GXYLT1: variants seen among roughly 807,000 people sequenced by gnomAD.
The protein encoded by GXYLT1 is glucoside xylosyltransferase 1, also known as glycosyltransferase 8 domain containing 3.
GXYLT1 carries 29 observed loss-of-function variants against 54.0 expected under a neutral mutation model. The ratio of observed to expected loss-of-function variants is 0.54; its 90% CI spans 0.40 to 0.73. The LOEUF (loss-of-function observed/expected upper bound fraction) is 0.73, where lower values mean the gene tolerates loss of function less well. Ranked by LOEUF, GXYLT1 falls within the 30% of genes least tolerant of loss-of-function variation. The pLI is 0.00. For synonymous variants in GXYLT1, 176 were observed against 204.1 expected, an observed-to-expected ratio of 0.86 and a Z score of 1.17; for missense variants, 490 against 553.4, an observed-to-expected ratio of 0.89 and a Z score of 1.15.
intron 3 of GXYLT1, among the ~76,000 whole-genome samples, chr12:42,117,549 T>C (rs1001921455): frequency 1.3e-5 from 2 of 152,070 alleles, no homozygotes; most frequent in African/African-American, 4.8e-5. Context: ...ACATCAAATA[T>C]ATTTTTTACA....
intron 3 of GXYLT1, among the ~76,000 whole-genome samples, chr12:42,115,181 A>G (rs2065485980): frequency 1.3e-5 from 2 of 152,208 alleles, no homozygotes; most frequent in Admixed American, 6.5e-5. Flanking sequence ...ATCATACTGA[A>G]TGGGCAAAAA....
intron 3 of GXYLT1, among the ~76,000 whole-genome samples, chr12:42,115,192 C>A (rs1360614154): frequency 1.3e-5 from 2 of 152,138 alleles, no homozygotes; most frequent in African/African-American, 4.8e-5. Context: ...TGGGCAAAAA[C>A]TGGAAGCATT....
At chr12:42,124,878 C>T (rs1244229301) in intron 2 of GXYLT1, among the ~76,000 whole-genome samples, 3 of 152,274 alleles carry the variant, frequency 2.0e-5, no homozygotes, top group South Asian at 2.1e-4. Flanking sequence ...AGGCTCACAA[C>T]GCAAACATCT....
Position 42,105,931 on chromosome 12 carries a change from G to C in GXYLT1, c.751C>G (p.Pro251Ala), listed in dbSNP as rs771170240. The C allele has an allele frequency of 1.2e-6, 2 of 1,613,920 alleles. No individual in the cohort carries two copies. The highest frequency in any genetic ancestry group is 2.2e-5 in the East Asian group (1 of 44,856). Residue 251 changes from proline to alanine, a missense_variant, in exon 5 of 8, where the codon CCT (proline) becomes GCT (alanine). Physicochemically the swap from Pro to Ala is conservative, Grantham distance 27. Around this residue, in one of 2 missense-constraint regions of GXYLT1, gnomAD observed 342 missense variants for 342.6 expected, o/e 1.00. Coordinates refer to ENST00000398675, the MANE Select transcript of GXYLT1 (RefSeq NM_173601.2). ...AAGCGATTATACCATCCTATTCGAG[G>C]TTCCTCATGTTCTGGTGCCATTGCA... ...IAAMAPEHEE[P>A]RIGWYNRFAR...
chr12:42,107,766 T>C (rs1298133940), intron 4 of GXYLT1, among the ~76,000 whole-genome samples: 2 of 152,152 alleles, frequency 1.3e-5, no homozygotes, highest in Admixed American at 6.5e-5. Flanking sequence ...GTGGTGGAGT[T>C]AGAATTGTTT....
Position 42,087,733 on chromosome 12 carries a change from A to G in GXYLT1, c.*53T>C. The G allele has an allele frequency of 7.6e-7, 1 of 1,314,362 alleles. No individual in the cohort carries two copies. The highest frequency in any genetic ancestry group is 1.3e-5 in the South Asian group (1 of 75,328). The allele number at this position is 1,314,362 out of a possible 1,614,324, so 81.4% of individuals were successfully genotyped here. A position where few individuals can be genotyped will look rare whatever the true frequency, so the allele number is the denominator to read the frequency against. ...ACTTCATCCAAGACGATTCCTTCACACTTATCTTCTGATTCTTTGTTTTCA... is the reference window on the plus strand; with the variant it reads ...ACTTCATCCAAGACGATTCCTTCACGCTTATCTTCTGATTCTTTGTTTTCA... On this transcript the variant is annotated 3_prime_UTR_variant, in exon 8 of 8. Coordinates refer to ENST00000398675, the MANE Select transcript of GXYLT1 (RefSeq NM_173601.2).
chr12:42,137,114 C>G (rs981859014), intron 1 of GXYLT1, among the ~76,000 whole-genome samples: 3 of 152,080 alleles, frequency 2.0e-5, no homozygotes, highest in Non-Finnish European at 4.4e-5. Flanking sequence ...TTCAAAATGT[C>G]CAAGATAGGA....
intron 6 of GXYLT1, 129 bp from the exon 7 acceptor site, chr12:42,097,743 G>A (rs1256095884): frequency 9.5e-7 from 1 of 1,053,888 alleles, no homozygotes; most frequent in East Asian, 2.5e-5. Flanking sequence ...CTGGCATTTA[G>A]ATCTCTTCCA....
At chr12:42,096,095 G>C (rs1020981216) in intron 7 of GXYLT1, among the ~76,000 whole-genome samples, 1 of 152,184 alleles carries the variant, frequency 6.6e-6, no homozygotes, top group Non-Finnish European at 1.5e-5. Context: ...ATATAATATA[G>C]AGTAGAAGAA....
chr12:42,117,403 C>G (rs2065503263), intron 3 of GXYLT1, among the ~76,000 whole-genome samples: 1 of 151,554 alleles, frequency 6.6e-6, no homozygotes, highest in Non-Finnish European at 1.5e-5. Context: ...CCACTTATAA[C>G]AGTAAGAAAA....
intron 3 of GXYLT1, among the ~76,000 whole-genome samples, chr12:42,117,607 G>T (rs1324825029): frequency 6.6e-6 from 1 of 152,090 alleles, no homozygotes; most frequent in Non-Finnish European, 1.5e-5. Context: ...TAATTAAGTG[G>T]ATAGATGTAA....
intron 2 of GXYLT1, among the ~76,000 whole-genome samples, chr12:42,125,077 AGAG>A (rs2065552591): frequency 6.6e-6 from 1 of 152,250 alleles, no homozygotes; most frequent in African/African-American, 2.4e-5. Context: ...ACAATAACCA[AGAG>A]GAGACAGAGA....
intron 3 of GXYLT1, among the ~76,000 whole-genome samples, chr12:42,116,887 C>A (rs1256323105): frequency 2.6e-5 from 4 of 151,980 alleles, no homozygotes; most frequent in Admixed American, 6.6e-5. Context: ...CTAAATGTCC[C>A]ACAATGATAG....
At chr12:42,092,997 A>C (rs375344603) in intron 7 of GXYLT1, among the ~76,000 whole-genome samples, 1 of 152,232 alleles carries the variant, frequency 6.6e-6, no homozygotes. Context: ...AAACATTCCT[A>C]AAAGACAAAT....
At chr12:42,126,220 C>T (rs528755851) in intron 2 of GXYLT1, among the ~76,000 whole-genome samples, 5 of 152,106 alleles carry the variant, frequency 3.3e-5, no homozygotes, top group South Asian at 4.1e-4. Context: ...ACTAAAGTTG[C>T]GCGCCACCAT....
rs1054270209 is a variant in GXYLT1, at chr12:42,144,851, C to A, written c.-205G>T. The A allele has an allele frequency of 1.4e-5, 5 of 354,044 alleles. No homozygotes were observed. Among genetic ancestry groups the A allele is most frequent in the African/African-American group, 2.1e-5 (1 of 46,710 alleles). 21.9% of individuals were successfully genotyped at this position (354,044 alleles called of 1,614,324 possible). A position where few individuals can be genotyped will look rare whatever the true frequency, so the allele number is the denominator to read the frequency against. On this transcript the variant is annotated 5_prime_UTR_variant, in exon 1 of 8. Coordinates refer to ENST00000398675, the MANE Select transcript of GXYLT1 (RefSeq NM_173601.2). ...GGCTCCGGAGCCGAAGGACTACCCG[C>A]CCGGAAGCCTGGACACCGCCTCTGC...
In GXYLT1 at chr12:42,144,622, C is replaced by A. The variant is rs761634720; in HGVS notation, c.25G>T (p.Val9Leu). The A allele has an allele frequency of 6.1e-6, 9 of 1,472,428 alleles. No homozygotes were observed. The East Asian group carries it at 2.5e-4, about 42-fold the overall frequency. 91.2% of individuals were successfully genotyped at this position (1,472,428 alleles called of 1,614,324 possible). A position where few individuals can be genotyped will look rare whatever the true frequency, so the allele number is the denominator to read the frequency against. MRRYLRVV[V>L]LCVACGFCSL... ...CAGAAGCCGCAGGCCACACACAGCA[C>A]CACGACGCGCAGGTAGCGCCGCATC... The change falls in exon 1 of 8, where the codon GTG becomes TTG. Residue 9 changes from valine to leucine, a missense_variant. This residue lies in a region of GXYLT1 where 148 missense variants were observed against 210.7 expected (regional missense o/e 0.70). Transcript: ENST00000398675.
chr12:42,129,417 G>A lies in GXYLT1; in HGVS notation c.314+342C>T, dbSNP rs1418937024. On this transcript the variant is annotated intron_variant, in intron 2 of 7. Coordinates refer to ENST00000398675, the MANE Select transcript of GXYLT1 (RefSeq NM_173601.2). ...ATAGTACACAAGCTTTTAGATAAAT[G>A]CCATATTTTATATATATAGATATAT... Among the ~76,000 whole-genome samples, 4 of 152,136 alleles carry A rather than the reference G, an allele frequency of 2.6e-5. No homozygotes were observed. In the East Asian group the frequency reaches 7.7e-4, roughly 29 times the overall value.
At chr12:42,110,982 C>T (rs2065450576) in intron 3 of GXYLT1, among the ~76,000 whole-genome samples, 1 of 152,206 alleles carries the variant, frequency 6.6e-6, no homozygotes, top group Non-Finnish European at 1.5e-5. Flanking sequence ...AACAATAATT[C>T]AGCCAGGTGT....
Sources: gnomAD v4.1 joint callset for allele counts (sites outside exome capture counted in the v4.1 genomes callset) on GRCh38, gnomAD v4.1.1 for gene constraint, gnomAD v4.1.1 regional missense constraint, MANE v1.5 for transcripts, NCBI Gene and HGNC (gene_info 2026-07-23, HGNC 2026-07-21) for gene names.